HPCAL1: variants seen among roughly 807,000 people sequenced by gnomAD.
The protein encoded by HPCAL1 is hippocalcin-like protein 1.
Under a neutral mutation model 17.1 loss-of-function variants are expected in HPCAL1, and 8 were observed. That is an observed-to-expected ratio of 0.47 (90% CI 0.27 to 0.84). HPCAL1 has a LOEUF of 0.84. Among genes scored for constraint, HPCAL1 ranks in the 40% least tolerant of loss-of-function variants. The pLI, the probability that HPCAL1 is intolerant of heterozygous loss-of-function variation, is 0.13. For missense variants in HPCAL1, 165 were observed against 271.1 expected (o/e 0.61, Z 2.75); for synonymous variants, 112 against 111.4 (o/e 1.01, Z -0.03).
At chr2:10,321,164 C>A (rs528815711) in intron 1 of HPCAL1, among the ~76,000 whole-genome samples, 6 of 152,248 alleles carry the variant, frequency 3.9e-5, no homozygotes, top group Non-Finnish European at 8.8e-5. Context: ...GACGGGGGAG[C>A]AGGCACGTCA....
intron 1 of HPCAL1, among the ~76,000 whole-genome samples, chr2:10,391,615 C>CT (rs1305055209): frequency 2.0e-5 from 3 of 152,240 alleles, no homozygotes; most frequent in African/African-American, 7.2e-5. Context: ...GCTAGCCCCT[C>CT]TTTCCCCATC....
At chr2:10,346,737 T>C (rs998563905) in intron 1 of HPCAL1, among the ~76,000 whole-genome samples, 7 of 152,102 alleles carry the variant, frequency 4.6e-5, no homozygotes, top group African/African-American at 1.7e-4. Context: ...TTCACCATGA[T>C]AGTACAAAAA....
intron 1 of HPCAL1, among the ~76,000 whole-genome samples, chr2:10,373,363 G>A (rs1295539917): frequency 9.9e-5 from 15 of 152,192 alleles, no homozygotes; most frequent in Admixed American, 9.8e-4. Context: ...GTTCATGATG[G>A]CATGCTGCTT....
intron 1 of HPCAL1, among the ~76,000 whole-genome samples, chr2:10,328,499 A>T (rs976353978): frequency 1.3e-5 from 2 of 152,218 alleles, no homozygotes; most frequent in Non-Finnish European, 2.9e-5. Context: ...GTGTGGGTGG[A>T]TATCATCCAA....
At position 10,343,319 on chromosome 2, in the gene HPCAL1, C is replaced by A. The variant is rs1665208899; in HGVS notation, c.-111+40142C>A. ...CTGCCACTCTGCTGAGAAGGCTGAT[C>A]TCAATCCTCGGAGTAATGACTCTCT... On this transcript the variant is annotated intron_variant, in intron 1 of 4. Coordinates refer to ENST00000307845, the MANE Select transcript of HPCAL1 (RefSeq NM_002149.4). The surrounding 1 kb of genome is among the most constrained non-coding windows in gnomAD (Gnocchi z 4.8). 6.6e-6 allele frequency among the ~76,000 whole-genome samples: 1 copy of A among 152,204 alleles called. No individual in the cohort carries two copies. Among genetic ancestry groups the A allele is most frequent in the Non-Finnish European group, 1.5e-5 (1 of 68,034 alleles).
chr2:10,313,753 A>G (rs1238342141), intron 1 of HPCAL1, among the ~76,000 whole-genome samples: 1 of 152,216 alleles, frequency 6.6e-6, no homozygotes, highest in Non-Finnish European at 1.5e-5. Flanking sequence ...TTCAGGAAAG[A>G]TGTTTAAAAA....
chr2:10,382,127 A>C (rs1216107661), intron 1 of HPCAL1, among the ~76,000 whole-genome samples: 2 of 152,242 alleles, frequency 1.3e-5, no homozygotes. Context: ...CTAGCAAGCC[A>C]TGAAAAGACA....
intron 1 of HPCAL1, among the ~76,000 whole-genome samples, chr2:10,372,580 C>G (rs1302504566): frequency 6.6e-6 from 1 of 152,218 alleles, no homozygotes; most frequent in Non-Finnish European, 1.5e-5. Flanking sequence ...AGGCAGAACC[C>G]AGCAGCCGGG....
intron 2 of HPCAL1, among the ~76,000 whole-genome samples, chr2:10,415,888 A>G (rs1670634908): frequency 6.6e-6 from 1 of 152,226 alleles, no homozygotes; most frequent in Non-Finnish European, 1.5e-5. Flanking sequence ...AGCGAGCTCC[A>G]TGGGCTCTGC....
In HPCAL1 at chr2:10,365,074, C is replaced by T. The variant is rs1250115316; in HGVS notation, c.-110-31761C>T. ...CCAGCCTCAAAATCTCCCAGAGTTC[C>T]AGGTGCTTGGTGGAAGGGATTCATG... is the stretch of plus-strand genomic sequence containing the variant. On this transcript the variant is annotated intron_variant, in intron 1 of 4. Transcript: ENST00000307845. The surrounding 1 kb of genome is among the most constrained non-coding windows in gnomAD (Gnocchi z 4.8). Among the ~76,000 whole-genome samples, 1 of 152,190 alleles carries T rather than the reference C, an allele frequency of 6.6e-6. No individual in the cohort carries two copies. Among genetic ancestry groups the T allele is most frequent in the Non-Finnish European group, 1.5e-5 (1 of 68,034 alleles).
intron 1 of HPCAL1, among the ~76,000 whole-genome samples, chr2:10,305,724 T>G (rs1185917620): frequency 6.6e-6 from 1 of 152,152 alleles, no homozygotes; most frequent in Non-Finnish European, 1.5e-5. Context: ...CTCCTAGAGA[T>G]AGATTCTAAG....
At chr2:10,389,117 T>C (rs893448580) in intron 1 of HPCAL1, among the ~76,000 whole-genome samples, 1 of 152,168 alleles carries the variant, frequency 6.6e-6, no homozygotes, top group Non-Finnish European at 1.5e-5. Flanking sequence ...CCCACCAGTG[T>C]GCATGTCAGT....
intron 1 of HPCAL1, among the ~76,000 whole-genome samples, chr2:10,334,193 T>C (rs778767494): frequency 6.6e-6 from 1 of 152,212 alleles, no homozygotes; most frequent in Non-Finnish European, 1.5e-5. Context: ...GAAATACTCA[T>C]AAATGGTGGC....
chr2:10,395,240 G>C lies in HPCAL1; in HGVS notation c.-110-1595G>C, dbSNP rs114531645. On this transcript the variant is annotated intron_variant, in intron 1 of 4. Transcript: ENST00000307845. This position sits in a 1 kb window ranked among gnomAD's most constrained non-coding sequence, Gnocchi z 4.4. ...TGACTTTGTCAGGTCTTGAATTCTA[G>C]CAGTGAGTTTACATTCCATAATTGG... 6.6e-6 allele frequency among the ~76,000 whole-genome samples: 1 copy of C among 151,762 alleles called. No homozygotes were observed. The highest frequency in any genetic ancestry group is 1.5e-5 in the Non-Finnish European group (1 of 68,014).
chr2:10,418,338 T>G (rs1466356762), intron 2 of HPCAL1, among the ~76,000 whole-genome samples: 3 of 149,474 alleles, frequency 2.0e-5, no homozygotes, highest in Non-Finnish European at 4.4e-5. Flanking sequence ...GGAGGCTGAG[T>G]TGGGAGGATT....
At position 10,330,335 on chromosome 2, in the gene HPCAL1, G is replaced by A. The variant is rs1664280713; in HGVS notation, c.-111+27158G>A. 6.6e-6 allele frequency: 1 copy of A among 152,214 alleles called. No homozygotes were observed. Among genetic ancestry groups the A allele is most frequent in the African/African-American group, 2.4e-5 (1 of 41,444 alleles). The allele number at this position is 152,214 out of a possible 1,614,324, so 9.4% of individuals were successfully genotyped here. A position where few individuals can be genotyped will look rare whatever the true frequency, so the allele number is the denominator to read the frequency against. On this transcript the variant is annotated intron_variant, in intron 1 of 4. Coordinates refer to ENST00000307845, the MANE Select transcript of HPCAL1 (RefSeq NM_002149.4). This position sits in a 1 kb window ranked among gnomAD's most constrained non-coding sequence, Gnocchi z 4.2. ...ATTCTTATTTAGTCCTCATAGGAGA[G>A]TGGCGAAGGGCAGCAGCTTTGGAGC... is the stretch of plus-strand genomic sequence containing the variant.
chr2:10,369,652 T>C (rs1167880678), intron 1 of HPCAL1, among the ~76,000 whole-genome samples: 2 of 152,200 alleles, frequency 1.3e-5, no homozygotes, highest in African/African-American at 4.8e-5. Flanking sequence ...GCAGCCTAAA[T>C]GTAGCAGAGA....
intron 2 of HPCAL1, among the ~76,000 whole-genome samples, chr2:10,410,379 A>G (rs1375228459): frequency 6.8e-6 from 1 of 147,860 alleles, no homozygotes; most frequent in Non-Finnish European, 1.5e-5. Context: ...TATTTCTCAC[A>G]GGGCTCCCCA....
chr2:10,382,749 G>C (rs766463086), intron 1 of HPCAL1, among the ~76,000 whole-genome samples: 2 of 152,126 alleles, frequency 1.3e-5, no homozygotes, highest in Non-Finnish European at 2.9e-5. Flanking sequence ...CCCTGCTCCC[G>C]TGTGGGACCC....
Sources: allele counts gnomAD v4.1 joint callset (sites outside exome capture counted in the v4.1 genomes callset), GRCh38; gene constraint gnomAD v4.1.1; non-coding constraint Gnocchi (gnomAD v3.1); transcripts MANE v1.5; gene names NCBI Gene and HGNC (gene_info 2026-07-23, HGNC 2026-07-21).